BLTP1: variants seen among roughly 807,000 people sequenced by gnomAD.
The protein encoded by BLTP1 is bridge-like lipid transfer protein family member 1, also known as fragile site-associated protein.
At chr4:122,189,555 A>G in the BLTP1 span, 3 of 778,676 alleles carry the variant, frequency 3.9e-6, no homozygotes, top group Non-Finnish European at 4.7e-6. Flanking sequence ...ATAAAATGAT[A>G]CTTATTAGTT....
chr4:122,328,222 T>C, the BLTP1 span: 16 of 1,611,398 alleles, frequency 9.9e-6, no homozygotes, highest in South Asian at 2.2e-5. Context: ...CCAGGAGGCT[T>C]TTCACCAGGC....
chr4:122,277,152 TATA>T, the BLTP1 span: 3 of 805,950 alleles, frequency 3.7e-6, no homozygotes, highest in South Asian at 5.6e-5. Context: ...GCCTGAGAAA[TATA>T]ATGAGACCCT....
At chr4:122,249,108 A>G in the BLTP1 span, 9 of 870,288 alleles carry the variant, frequency 1.0e-5, no homozygotes. Flanking sequence ...ATTTGCCTAG[A>G]AAATAATGTT....
chr4:122,325,845 T>A, the BLTP1 span: 1 of 1,136,342 alleles, frequency 8.8e-7, no homozygotes, highest in African/African-American at 1.6e-5. Context: ...TTCTCATTAT[T>A]TTAATTAAGT....
chr4:122,243,002 T>C, the BLTP1 span: 1 of 1,585,416 alleles, frequency 6.3e-7, no homozygotes, highest in South Asian at 1.1e-5. Flanking sequence ...TTCTAGGTTA[T>C]CAAGCAGGGG....
chr4:122,316,817 ATATCAGAGAAC>A, the BLTP1 span: 1 of 1,612,726 alleles, frequency 6.2e-7, no homozygotes, highest in Non-Finnish European at 8.5e-7. Flanking sequence ...CGTATAGTGG[ATATCAGAGAAC>A]TGAATGAACA....
the BLTP1 span, chr4:122,184,890 A>C: frequency 1.0e-6 from 1 of 984,422 alleles, no homozygotes; most frequent in African/African-American, 1.7e-5. Flanking sequence ...CTTTTTCCAG[A>C]CATGAAATCT....
the BLTP1 span, among the ~76,000 whole-genome samples, chr4:122,176,821 T>C: frequency 6.6e-6 from 1 of 152,226 alleles, no homozygotes; most frequent in African/African-American, 2.4e-5. Flanking sequence ...TTCCTCAGAT[T>C]TATCACATGA....
At chr4:122,337,887 A>G in the BLTP1 span, among the ~76,000 whole-genome samples, 1 of 148,892 alleles carries the variant, frequency 6.7e-6, no homozygotes, top group Non-Finnish European at 1.5e-5. Flanking sequence ...ATATATTAGC[A>G]TATATACTAT....
At chr4:122,264,319 A>G in the BLTP1 span, 13 of 1,611,074 alleles carry the variant, frequency 8.1e-6, no homozygotes, top group East Asian at 4.5e-5. Context: ...CTAGTGACCA[A>G]AATACTTTGG....
At chr4:122,361,904 A>G in the BLTP1 span, 1 of 1,063,224 alleles carries the variant, frequency 9.4e-7, no homozygotes, top group Admixed American at 3.0e-5. Context: ...TCATTTATAC[A>G]AATGTACCTA....
At chr4:122,272,043 A>C in the BLTP1 span, 2 of 1,256,436 alleles carry the variant, frequency 1.6e-6, no homozygotes, top group Non-Finnish European at 2.2e-6. Flanking sequence ...GTTGGGGATT[A>C]GGAGAAAGAG....
chr4:122,258,613 G>A, the BLTP1 span: 1 of 1,448,064 alleles, frequency 6.9e-7, no homozygotes, highest in Non-Finnish European at 9.2e-7. Context: ...AAAGTTGAGT[G>A]TCATTATATA....
the BLTP1 span, chr4:122,198,259 G>A: frequency 3.0e-6 from 3 of 984,562 alleles, no homozygotes; most frequent in South Asian, 4.7e-5. Context: ...CTTATCTAGT[G>A]TTAAAAATAC....
At chr4:122,247,397 T>C in the BLTP1 span, 1 of 1,606,286 alleles carries the variant, frequency 6.2e-7, no homozygotes. Context: ...TTGGCATATA[T>C]AAATGTAAGA....
At chr4:122,207,243 T>C in the BLTP1 span, 1 of 1,609,774 alleles carries the variant, frequency 6.2e-7, no homozygotes, top group Non-Finnish European at 8.5e-7. Context: ...GGATCGACTG[T>C]TCTACTAAAC....
chr4:122,339,820 T>C, the BLTP1 span, among the ~76,000 whole-genome samples: 1 of 152,214 alleles, frequency 6.6e-6, no homozygotes, highest in Admixed American at 6.5e-5. Context: ...GGATTTCTTA[T>C]CACACTGGGT....
the BLTP1 span, chr4:122,346,811 C>T: frequency 3.2e-6 from 5 of 1,585,434 alleles, no homozygotes; most frequent in Non-Finnish European, 3.4e-6. Flanking sequence ...GCAAGACCTA[C>T]AATTGATAAC....
the BLTP1 span, chr4:122,201,191 GT>G: frequency 7.7e-7 from 1 of 1,295,950 alleles, no homozygotes; most frequent in Non-Finnish European, 1.1e-6. Context: ...CATTTGATAA[GT>G]TTTACTTTTA....
Sources: allele counts gnomAD v4.1 joint callset (sites outside exome capture counted in the v4.1 genomes callset), GRCh38; gene constraint gnomAD v4.1.1; transcripts MANE v1.5; gene names NCBI Gene and HGNC (gene_info 2026-07-23, HGNC 2026-07-21).